The following MTMR7 variants were observed in gnomAD, a reference collection of about 807,000 sequenced individuals.
The protein encoded by MTMR7 is phosphatidylinositol-3-phosphate phosphatase MTMR7.
In MTMR7, 76 loss-of-function variants were observed where a neutral mutation model predicts 81.2. The ratio of observed to expected loss-of-function variants is 0.94; its 90% CI spans 0.78 to 1.13. The LOEUF is 1.13. Ranked by LOEUF, MTMR7 falls within the 50% of genes most tolerant of loss-of-function variation. The probability of loss-of-function intolerance (pLI) is 0.00; values close to 1 mark genes in which losing one functional copy is unlikely to be tolerated. For synonymous variants in MTMR7, 372 were observed against 289.8 expected (o/e 1.28, Z -2.88); for missense variants, 1,044 against 820.0 (o/e 1.27, Z -3.34).
Position 17,300,171 on chromosome 8 carries a change from C to T in MTMR7, c.1674G>A (p.Lys558=). Residue 558 remains lysine, a synonymous_variant, in exon 14 of 14, where the codon AAG becomes AAA. Transcript: ENST00000180173. ...CTGAGTGCTTGCTGGGCTCACTTTG[C>T]TTACTCTTCACCTTAGTGCAATTTA... ...VQLNCTKVKS[K]QSEPSKHSGF... The T allele has an allele frequency of 6.2e-7, 1 of 1,614,062 alleles. No individual in the cohort carries two copies. Among genetic ancestry groups the T allele is most frequent in the Non-Finnish European group, 8.5e-7 (1 of 1,179,986 alleles).
At position 17,361,221 on chromosome 8, in the gene MTMR7, C is replaced by G. The variant is rs981342252; in HGVS notation, c.364G>C (p.Glu122Gln). Residue 122 changes from glutamate (E) to glutamine (Q), a missense_variant, in exon 4 of 14, where the codon GAA becomes CAA. By Grantham distance (29) the Glu-to-Gln change is conservative. Transcript: ENST00000180173. ...FSFNPMLDKE[E>Q]REQGWVLIDL... ...ATCAGCACCCAGCCTTGCTCTCTTT[C>G]TTCTTTATCCAGCATGGGGTTGAAT... 5 of 1,614,060 alleles carry G rather than the reference C, an allele frequency of 3.1e-6. No homozygotes were observed. The highest frequency in any genetic ancestry group is 4.2e-6 in the Non-Finnish European group (5 of 1,180,012).
chr8:17,368,542 G>A (rs1323459773), intron 3 of MTMR7, among the ~76,000 whole-genome samples: 1 of 152,170 alleles, frequency 6.6e-6, no homozygotes, highest in Non-Finnish European at 1.5e-5. Context: ...ATCTTCAGAT[G>A]GTTCTGAAAG....
chr8:17,352,261 T>C (rs774044261), intron 4 of MTMR7, among the ~76,000 whole-genome samples: 28 of 152,130 alleles, frequency 1.8e-4, no homozygotes, highest in Admixed American at 3.3e-4. Context: ...AATAGGCCAA[T>C]GGAATAGAGA....
intron 11 of MTMR7, 76 bp downstream of exon 11, chr8:17,305,681 T>C (rs890069618): frequency 7.5e-7 from 1 of 1,334,758 alleles, no homozygotes; most frequent in Non-Finnish European, 1.0e-6. Flanking sequence ...TTCAAAATTA[T>C]GAAAGGCCAC....
intron 1 of MTMR7, among the ~76,000 whole-genome samples, chr8:17,396,545 A>G (rs1192930939): frequency 6.6e-6 from 1 of 152,180 alleles, no homozygotes; most frequent in Non-Finnish European, 1.5e-5. Context: ...AGCCTTAGCT[A>G]GAGGGAAATT....
chr8:17,376,890 A>G (rs1487243724), intron 1 of MTMR7, among the ~76,000 whole-genome samples: 1 of 152,116 alleles, frequency 6.6e-6, no homozygotes, highest in African/African-American at 2.4e-5. Flanking sequence ...CTCTAGCCCT[A>G]AATTATCAAT....
At chr8:17,343,882 G>C (rs1465643889) in intron 5 of MTMR7, among the ~76,000 whole-genome samples, 1 of 152,190 alleles carries the variant, frequency 6.6e-6, no homozygotes, top group Non-Finnish European at 1.5e-5. Flanking sequence ...GCCCTAGACA[G>C]ATTATCCAAA....
intron 7 of MTMR7, among the ~76,000 whole-genome samples, chr8:17,315,325 G>A (rs1229566613): frequency 6.6e-6 from 1 of 152,148 alleles, no homozygotes; most frequent in African/African-American, 2.4e-5. Flanking sequence ...ATCAGCGGCT[G>A]CCAGGGGTTA....
chr8:17,410,277 A>G (rs944752977), intron 1 of MTMR7, among the ~76,000 whole-genome samples: 1 of 152,214 alleles, frequency 6.6e-6, no homozygotes, highest in Non-Finnish European at 1.5e-5. Context: ...ACATGTGGGA[A>G]AAATGCCTTC....
intron 4 of MTMR7, among the ~76,000 whole-genome samples, chr8:17,359,039 G>A (rs568991888): frequency 6.6e-6 from 1 of 152,120 alleles, no homozygotes; most frequent in East Asian, 2.0e-4. Context: ...GACTACAGGT[G>A]CACACCTCCA....
rs36217265 is a variant in MTMR7 at position 17,364,021 on chromosome 8, ATTTTTTT to A, written c.311-2754_311-2748del. Reference sequence around the variant, plus strand: ...TTCTGGGGTAAAAAGTGTTGCTATTATTTTTTTTTTTTTTTTTTTTTTTTTTCAGACG... The same window carrying A: ...TTCTGGGGTAAAAAGTGTTGCTATTATTTTTTTTTTTTTTTTTTTCAGACG... On this transcript the variant is annotated intron_variant, in intron 3 of 13. Transcript: ENST00000180173. Among the ~76,000 whole-genome samples the A allele has an allele frequency of 1.1e-3, 76 of 71,038 alleles. 4 individuals carry two copies. The highest frequency in any genetic ancestry group is 2.8e-3 in the African/African-American group (59 of 21,432). 46.6% of individuals were successfully genotyped at this position (71,038 alleles called of 152,430 possible). A position where few individuals can be genotyped will look rare whatever the true frequency, so the allele number is the denominator to read the frequency against.
intron 9 of MTMR7, 37 bp from the exon 10 acceptor site, chr8:17,309,363 C>G: frequency 2.2e-6 from 3 of 1,394,128 alleles, no homozygotes; most frequent in Non-Finnish European, 3.0e-6. Flanking sequence ...TGGAGAGAAG[C>G]AAACGAAAAA....
Position 17,331,258 on chromosome 8 carries a change from C to A in MTMR7, c.757G>T (p.Ala253Ser), listed in dbSNP as rs1818984994. The A allele has an allele frequency of 6.2e-7, 1 of 1,609,262 alleles. No individual in the cohort carries two copies. Among genetic ancestry groups the A allele is most frequent in the Non-Finnish European group, 8.5e-7 (1 of 1,178,666 alleles). The change falls in exon 7 of 14, where the codon GCA becomes TCA. Residue 253 changes from alanine to serine, a missense_variant. Transcript: ENST00000180173. The stretch of plus-strand genomic sequence containing the variant: ...TCTTCATTCTCATAGCCTTTCCCTG[C>A]AGCACGATTTGCCATTGCATTAAGC... ...PKLNAMANRA[A>S]GKGYENEDNY... is the part of the protein sequence containing the mutation.
At chr8:17,390,211 G>A (rs961681164) in intron 1 of MTMR7, among the ~76,000 whole-genome samples, 15 of 151,752 alleles carry the variant, frequency 9.9e-5, no homozygotes, top group East Asian at 7.7e-4. Context: ...GAAGCAGAGC[G>A]GCTTTTGCTT....
At chr8:17,362,360 T>C (rs566575317) in intron 3 of MTMR7, among the ~76,000 whole-genome samples, 2 of 152,360 alleles carry the variant, frequency 1.3e-5, no homozygotes, top group East Asian at 3.9e-4. Flanking sequence ...GGCTACCACC[T>C]TGGACAGTGC....
intron 2 of MTMR7, chr8:17,372,889 T>G: frequency 2.2e-6 from 1 of 460,356 alleles, no homozygotes. Flanking sequence ...TTCTGGCTAG[T>G]TCTAAGTCTC....
intron 1 of MTMR7, among the ~76,000 whole-genome samples, chr8:17,384,789 G>A (rs563511925): frequency 5.9e-5 from 9 of 152,310 alleles, no homozygotes; most frequent in African/African-American, 1.9e-4. Context: ...TTTTGACAGA[G>A]AAATAAAGAA....
chr8:17,315,514 T>A (rs1370608705), intron 7 of MTMR7, among the ~76,000 whole-genome samples: 1 of 152,200 alleles, frequency 6.6e-6, no homozygotes. Context: ...CACAACAATG[T>A]ACCACTCCGT....
chr8:17,313,365 A>G lies in MTMR7; in HGVS notation c.902T>C (p.Leu301Pro). The G allele has an allele frequency of 3.7e-6, 6 of 1,612,992 alleles. No homozygotes were observed. Among genetic ancestry groups the G allele is most frequent in the Non-Finnish European group, 5.1e-6 (6 of 1,179,160 alleles). The change falls in exon 8 of 14, where the codon CTG becomes CCG. Residue 301 changes from leucine to proline, a missense_variant. By Grantham distance (98) the Leu-to-Pro change is moderately conservative. Coordinates refer to ENST00000180173, the MANE Select transcript of MTMR7 (RefSeq NM_004686.5). ...ELKSPSMSDF[L>P]WGLENSGWLR... ...CCAGCCAGAGTTCTCCAGACCCCAC[A>G]GGAAATCACTCATGGAGGGAGATTT...
Sources: allele counts gnomAD v4.1 joint callset (sites outside exome capture counted in the v4.1 genomes callset), GRCh38; gene constraint gnomAD v4.1.1; transcripts MANE v1.5; gene names NCBI Gene and HGNC (gene_info 2026-07-23, HGNC 2026-07-21).